The following STS variants were observed in gnomAD, a reference collection of about 807,000 sequenced individuals.
STS encodes steryl-sulfatase.
STS carries 7 observed loss-of-function variants against 26.8 expected under a neutral mutation model. The ratio of observed to expected loss-of-function variants is 0.26; its 90% CI spans 0.15 to 0.49. STS has a LOEUF of 0.49. Ranked by LOEUF, STS falls within the 20% of genes least tolerant of loss-of-function variation. The pLI is 0.98. For missense variants in STS, 434 were observed against 465.6 expected (o/e 0.93, Z 0.63); for synonymous variants, 199 against 189.4 (o/e 1.05, Z -0.42).
At chrX:7,343,605 G>A (rs1257331794) in intron 10 of STS, among the ~76,000 whole-genome samples, 3 of 111,927 alleles carry the variant, frequency 2.7e-5, no homozygotes, top group African/African-American at 6.5e-5. Context: ...CCAGCATCAC[G>A]TATGTAAGAA....
At chrX:7,292,881 C>A (rs951480771) in intron 7 of STS, among the ~76,000 whole-genome samples, 5 of 111,071 alleles carry the variant, frequency 4.5e-5, no homozygotes, top group Admixed American at 1.9e-4. Flanking sequence ...AGATGGAGGT[C>A]ACTGGGCAAG....
chrX:7,349,316 CTTTTTTTTTTTTTTTTTTTTTTTTT>C lies in STS; in HGVS notation c.1364-559_1364-535del, dbSNP rs1178578773. Among the ~76,000 whole-genome samples the C allele has an allele frequency of 1.5e-4, 8 of 52,887 alleles. No homozygotes were observed. The East Asian group carries it at 4.3e-3, about 28-fold the overall frequency. The allele number at this position is 52,887 out of a possible 115,157, so 45.9% of individuals were successfully genotyped here. A position where few individuals can be genotyped will look rare whatever the true frequency, so the allele number is the denominator to read the frequency against. ...GCTGCACTCGGCCCTCATTTAATTCCTTTTTTTTTTTTTTTTTTTTTTTTTTTTTTTTTTTTTGAGACAGAGTCTC... is the reference window on the plus strand; with the variant it reads ...GCTGCACTCGGCCCTCATTTAATTCCTTTTTTTTTTTTGAGACAGAGTCTC... On this transcript the variant is annotated intron_variant, in intron 10 of 10. Transcript: ENST00000674429.
chrX:7,307,552 C>T (rs1223499657), intron 8 of STS, among the ~76,000 whole-genome samples: 1 of 111,734 alleles, frequency 8.9e-6, no homozygotes, highest in Non-Finnish European at 1.9e-5. Context: ...CAGGCAAAGT[C>T]ATAAGTCTAT....
intron 3 of STS, among the ~76,000 whole-genome samples, chrX:7,253,744 A>T (rs1223969427): frequency 9.0e-6 from 1 of 110,578 alleles, no homozygotes; most frequent in African/African-American, 3.3e-5. Context: ...TCTCACTCTC[A>T]CTCTCACTCA....
chrX:7,162,668 A>G (rs1277243156), intron 1 of STS, among the ~76,000 whole-genome samples: 1 of 109,743 alleles, frequency 9.1e-6, no homozygotes, highest in African/African-American at 3.3e-5. Context: ...GCAACCCACA[A>G]TATCTCCAGA....
intron 7 of STS, among the ~76,000 whole-genome samples, chrX:7,285,138 T>C (rs1348539763): frequency 2.7e-5 from 3 of 111,169 alleles, no homozygotes; most frequent in Admixed American, 1.9e-4. Flanking sequence ...ATGCTCAAAA[T>C]AAAGAAGTCA....
At chrX:7,269,434 A>G (rs993110852) in intron 6 of STS, among the ~76,000 whole-genome samples, 1 of 107,817 alleles carries the variant, frequency 9.3e-6, no homozygotes, top group Non-Finnish European at 1.9e-5. Context: ...CTGTCATGCT[A>G]TGTGAACCAT....
intron 7 of STS, among the ~76,000 whole-genome samples, chrX:7,290,248 T>A (rs1179269573): frequency 9.0e-6 from 1 of 111,349 alleles, no homozygotes; most frequent in Non-Finnish European, 1.9e-5. Flanking sequence ...CTGGCAGCAT[T>A]AAATTGGGGG....
intron 2 of STS, among the ~76,000 whole-genome samples, chrX:7,227,782 G>A (rs1408176217): frequency 9.0e-6 from 1 of 111,342 alleles, no homozygotes; most frequent in Non-Finnish European, 1.9e-5. Context: ...CAGTATTGTC[G>A]ACTGCTGATA....
At chrX:7,270,652 A>T (rs1358158338) in intron 6 of STS, among the ~76,000 whole-genome samples, 1 of 112,162 alleles carries the variant, frequency 8.9e-6, no homozygotes, top group African/African-American at 3.2e-5. Flanking sequence ...ACCCCTATAG[A>T]ATAAAAAACC....
chrX:7,259,886 G>C, intron 6 of STS, 114 bp downstream of exon 6: 1 of 969,832 alleles, frequency 1.0e-6, no homozygotes, highest in Non-Finnish European at 1.4e-6. Context: ...TGGTTTGTTC[G>C]TTTTTTTGAG....
intron 6 of STS, among the ~76,000 whole-genome samples, chrX:7,260,954 A>G (rs1291066212): frequency 9.0e-6 from 1 of 111,395 alleles, no homozygotes; most frequent in Non-Finnish European, 1.9e-5. Context: ...TGTAAATGGA[A>G]TAACCATCAA....
At chrX:7,282,185 GGTTTGTTT>G (rs138605314) in intron 7 of STS, among the ~76,000 whole-genome samples, 4,371 of 108,184 alleles carry the variant, frequency 0.04, 223 homozygotes, top group African/African-American at 0.14. Context: ...AGTGGTAAAT[GGTTTGTTT>G]GTTTGTTTGT....
At chrX:7,156,749 G>A (rs1228569690) in intron 1 of STS, among the ~76,000 whole-genome samples, 1 of 112,112 alleles carries the variant, frequency 8.9e-6, no homozygotes, top group Non-Finnish European at 1.9e-5. Context: ...AATGGGAAGC[G>A]AATGATAATT....
chrX:7,312,951 CT>C (rs1173017451), intron 8 of STS, among the ~76,000 whole-genome samples: 3 of 112,067 alleles, frequency 2.7e-5, no homozygotes, highest in South Asian at 3.7e-4. Context: ...TTAAGATTTT[CT>C]TTTAGTTGAG....
At chrX:7,205,586 CT>C (rs1934201638) in intron 2 of STS, among the ~76,000 whole-genome samples, 1 of 45,861 alleles carries the variant, frequency 2.2e-5, no homozygotes, top group African/African-American at 1.4e-4. Context: ...ATTTGGTTTT[CT>C]TTTTCTTTTT....
At chrX:7,335,325 T>C (rs747798698) in intron 10 of STS, among the ~76,000 whole-genome samples, 3 of 112,581 alleles carry the variant, frequency 2.7e-5, no homozygotes, top group Middle Eastern at 4.6e-3. Flanking sequence ...TGGTATCTCA[T>C]TGTGGTTTTG....
intron 7 of STS, among the ~76,000 whole-genome samples, chrX:7,293,668 A>G (rs1925526990): frequency 8.9e-6 from 1 of 111,900 alleles, no homozygotes; most frequent in Non-Finnish European, 1.9e-5. Context: ...AAACCAGGGT[A>G]TCAGAAAACC....
chrX:7,292,621 T>G (rs1313486310), intron 7 of STS, among the ~76,000 whole-genome samples: 1 of 110,575 alleles, frequency 9.0e-6, no homozygotes, highest in Non-Finnish European at 1.9e-5. Flanking sequence ...CTTGGTTTGG[T>G]CCATAGTCTT....
Sources: gnomAD v4.1 joint callset for allele counts (sites outside exome capture counted in the v4.1 genomes callset) on GRCh38, gnomAD v4.1.1 for gene constraint, MANE v1.5 for transcripts, NCBI Gene and HGNC (gene_info 2026-07-23, HGNC 2026-07-21) for gene names.